STK3: variants seen among roughly 807,000 people sequenced by gnomAD.
STK3 encodes the protein serine/threonine-protein kinase 3.
A neutral mutation model predicts 58.0 loss-of-function variants in STK3; 41 were observed. That is an observed-to-expected ratio of 0.71 (90% CI 0.55 to 0.92). STK3 has a LOEUF of 0.92. Among genes scored for constraint, STK3 ranks in the 40% least tolerant of loss-of-function variants. STK3 has a pLI of 0.00. For synonymous variants in STK3, 170 were observed against 191.0 expected (o/e 0.89, Z 0.91); for missense variants, 479 against 602.7 (o/e 0.79, Z 2.15).
At chr8:98,893,486 G>GAAAGAGAAAGAA (rs776247646) in intron 1 of STK3, among the ~76,000 whole-genome samples, 25 of 42,994 alleles carry the variant, frequency 5.8e-4, no homozygotes, top group African/African-American at 8.7e-4. Context: ...AAGAAAGAAA[G>GAAAGAGAAAGAA]AGAAAGAAAG....
chr8:98,754,666 C>T (rs536385002), intron 3 of STK3, among the ~76,000 whole-genome samples: 4 of 152,168 alleles, frequency 2.6e-5, no homozygotes, highest in South Asian at 2.1e-4. Context: ...TGTGTCACCA[C>T]GCCCAGCTAA....
At chr8:98,739,026 G>C (rs1186142092) in intron 4 of STK3, among the ~76,000 whole-genome samples, 1 of 152,246 alleles carries the variant, frequency 6.6e-6, no homozygotes, top group Non-Finnish European at 1.5e-5. Flanking sequence ...CAAGGCAGCG[G>C]CGAGGCTGGG....
intron 1 of STK3, among the ~76,000 whole-genome samples, chr8:98,448,424 T>C (rs1819051047): frequency 6.6e-6 from 1 of 152,188 alleles, no homozygotes; most frequent in African/African-American, 2.4e-5. Flanking sequence ...CGTCTTTTCA[T>C]TCAAATGTTT....
intron 1 of STK3, among the ~76,000 whole-genome samples, chr8:98,794,889 G>A (rs1374787569): frequency 6.6e-6 from 1 of 151,162 alleles, no homozygotes; most frequent in African/African-American, 2.4e-5. Context: ...CCAACATGGA[G>A]AAACCCCGGC....
chr8:98,545,185 C>A (rs958559929), intron 9 of STK3, among the ~76,000 whole-genome samples: 1 of 152,170 alleles, frequency 6.6e-6, no homozygotes, highest in Non-Finnish European at 1.5e-5. Flanking sequence ...TGCTTTTACC[C>A]AGTGTCAAGC....
intron 10 of STK3, among the ~76,000 whole-genome samples, chr8:98,468,612 T>C (rs1371394193): frequency 1.3e-5 from 2 of 152,210 alleles, no homozygotes; most frequent in African/African-American, 4.8e-5. Flanking sequence ...ATGCTATGAA[T>C]TTAAGGTAAA....
At chr8:98,701,667 TAC>T (rs35481305) in intron 6 of STK3, among the ~76,000 whole-genome samples, 14 of 150,832 alleles carry the variant, frequency 9.3e-5, no homozygotes, top group South Asian at 6.3e-4. Flanking sequence ...CACATATATA[TAC>T]ACACACACAC....
At chr8:98,614,155 A>T (rs1817448903) in intron 6 of STK3, among the ~76,000 whole-genome samples, 1 of 152,234 alleles carries the variant, frequency 6.6e-6, no homozygotes, top group South Asian at 2.1e-4. Flanking sequence ...ATCAGCAAGG[A>T]TACAGAAGAA....
chr8:98,566,178 A>G (rs1406706312), intron 8 of STK3, among the ~76,000 whole-genome samples: 1 of 152,162 alleles, frequency 6.6e-6, no homozygotes, highest in Admixed American at 6.6e-5. Context: ...ATCATGCTCC[A>G]TACTTTTCTT....
chr8:98,414,001 T>C (rs1181033515), intron 3 of STK3, among the ~76,000 whole-genome samples: 2 of 152,220 alleles, frequency 1.3e-5, no homozygotes, highest in East Asian at 1.9e-4. Context: ...AGGTGGCTCA[T>C]GCCTGTAATC....
At chr8:98,579,837 TTATAGCTAA>T in intron 7 of STK3, 48 bp from the exon 8 acceptor site, 1 of 1,493,414 alleles carries the variant, frequency 6.7e-7, no homozygotes, top group Non-Finnish European at 8.9e-7. Flanking sequence ...TTTTTCCGAA[TTATAGCTAA>T]CAAATGTTAA....
chr8:98,413,495 T>G, intron 3 of STK3: 1 of 623,028 alleles, frequency 1.6e-6, no homozygotes, highest in Non-Finnish European at 3.1e-6. Context: ...TGTGCCGAAG[T>G]CCATTTGTGA....
chr8:98,454,134 C>A (rs995010336), downstream of STK3, among the ~76,000 whole-genome samples: 2 of 152,088 alleles, frequency 1.3e-5, no homozygotes, highest in African/African-American at 4.8e-5. Context: ...GGTACAAATA[C>A]CATTTTTAAA....
intron 3 of STK3, among the ~76,000 whole-genome samples, chr8:98,861,364 T>C (rs990161936): frequency 6.9e-6 from 1 of 144,368 alleles, no homozygotes; most frequent in Non-Finnish European, 1.5e-5. Context: ...TTTTTTTTTT[T>C]TTTTTTTTAC....
At position 98,940,538 on chromosome 8, in the gene STK3, C is replaced by A. The variant is rs1012402047; in HGVS notation, c.-79+1840G>T. The stretch of plus-strand genomic sequence containing the variant: ...GGTGCCTGCGGCTGGCTGGCCCGGC[C>A]CGATTCCGGGTGGCGGGGTTCCTGC... On this transcript the variant is annotated intron_variant, in intron 1 of 1. Coordinates refer to the STK3 transcript ENST00000519420. Among the ~76,000 whole-genome samples the A allele has an allele frequency of 3.9e-5, 6 of 152,292 alleles. No homozygotes were observed. In the South Asian group the frequency reaches 1.0e-3, roughly 26 times the overall value.
chr8:98,631,315 G>C (rs2130509056), intron 6 of STK3, among the ~76,000 whole-genome samples: 1 of 152,238 alleles, frequency 6.6e-6, no homozygotes, highest in East Asian at 1.9e-4. Flanking sequence ...GTCCTGCCGT[G>C]GTTTATGAAG....
chr8:98,745,458 C>T (rs1829578406), intron 4 of STK3, among the ~76,000 whole-genome samples: 3 of 152,038 alleles, frequency 2.0e-5, no homozygotes, highest in African/African-American at 4.8e-5. Flanking sequence ...ATAATTCAGA[C>T]CACTCTCCTG....
chr8:98,637,739 A>G lies in STK3; in HGVS notation c.685-41570T>C, dbSNP rs185219441. Among the ~76,000 whole-genome samples, 1,403 of 152,222 alleles carry G rather than the reference A, an allele frequency of 9.2e-3. 18 individuals carry two copies. Among genetic ancestry groups the G allele is most frequent in the African/African-American group, 0.032 (1,326 of 41,542 alleles). ...TTTTTAACCAATTTTTTTATGTATT[A>G]CAGTTTTAAATGAGCAAATGAAACT... On this transcript the variant is annotated intron_variant, in intron 6 of 10. Transcript: ENST00000419617.
intron 3 of STK3, among the ~76,000 whole-genome samples, chr8:98,414,863 T>A (rs908623282): frequency 3.9e-5 from 6 of 152,200 alleles, no homozygotes; most frequent in African/African-American, 1.4e-4. Flanking sequence ...ATCGGAAGGA[T>A]GTGTTGAAGA....
Sources: gnomAD v4.1 joint callset for allele counts (sites outside exome capture counted in the v4.1 genomes callset) on GRCh38, gnomAD v4.1.1 for gene constraint, MANE v1.5 for transcripts, NCBI Gene and HGNC (gene_info 2026-07-23, HGNC 2026-07-21) for gene names.